GRM8: variants seen among roughly 807,000 people sequenced by gnomAD.
GRM8 encodes glutamate metabotropic receptor 8.
Under a neutral mutation model 87.2 loss-of-function variants are expected in GRM8, and 47 were observed. The ratio of observed to expected loss-of-function variants is 0.54; its 90% CI spans 0.43 to 0.69. The LOEUF (loss-of-function observed/expected upper bound fraction) is 0.69, where lower values mean the gene tolerates loss of function less well. GRM8 is among the 30% of genes least tolerant of loss of function. The pLI, the probability that GRM8 is intolerant of heterozygous loss-of-function variation, is 0.00. For synonymous variants in GRM8, 396 were observed against 404.5 expected (o/e 0.98, Z 0.25); for missense variants, 1,019 against 1,139.2 (o/e 0.89, Z 1.52).
At chr7:127,199,147 T>G (rs1471866981) in intron 2 of GRM8, among the ~76,000 whole-genome samples, 1 of 151,532 alleles carries the variant, frequency 6.6e-6, no homozygotes, top group African/African-American at 2.4e-5. Context: ...GGCTTTTTTT[T>G]TTCTTTAAGA....
chr7:126,617,221 C>T (rs1353481132), intron 7 of GRM8, among the ~76,000 whole-genome samples: 6 of 152,162 alleles, frequency 3.9e-5, no homozygotes, highest in African/African-American at 1.4e-4. Context: ...GCTGGTTCAA[C>T]ATACGAAAAT....
At chr7:127,004,615 G>A (rs575574534) in intron 3 of GRM8, among the ~76,000 whole-genome samples, 1 of 151,682 alleles carries the variant, frequency 6.6e-6, no homozygotes, top group East Asian at 1.9e-4. Flanking sequence ...CTGTAAGAAA[G>A]TGCTTTAGTG....
intron 9 of GRM8, among the ~76,000 whole-genome samples, chr7:126,508,900 G>A (rs1810900414): frequency 6.6e-6 from 1 of 152,094 alleles, no homozygotes; most frequent in Admixed American, 6.6e-5. Context: ...GTAGATCCAT[G>A]TCAGACAGCA....
chr7:126,930,764 G>T (rs1013525291), intron 3 of GRM8, among the ~76,000 whole-genome samples: 2 of 152,188 alleles, frequency 1.3e-5, no homozygotes, highest in Non-Finnish European at 2.9e-5. Context: ...TATTATAAGT[G>T]ATATTCATAG....
At position 126,796,393 on chromosome 7, in the gene GRM8, G is replaced by C. The variant is rs569138526; in HGVS notation, c.1157-26328C>G. Among the ~76,000 whole-genome samples, 303 of 152,156 alleles carry C rather than the reference G, an allele frequency of 2.0e-3. 3 individuals are homozygous for C. Among genetic ancestry groups the C allele is most frequent in the Non-Finnish European group, 2.6e-3 (180 of 68,002 alleles). On this transcript the variant is annotated intron_variant, in intron 6 of 10. Coordinates refer to ENST00000339582, the MANE Select transcript of GRM8 (RefSeq NM_000845.3). Reference sequence around the variant, plus strand: ...CTATTAGCATATAGCTCTAGATTTTGATGATAATTAATCCACTTCTTTAAA... The same window carrying C: ...CTATTAGCATATAGCTCTAGATTTTCATGATAATTAATCCACTTCTTTAAA...
At chr7:126,656,183 T>G (rs968906068) in intron 7 of GRM8, among the ~76,000 whole-genome samples, 1 of 152,090 alleles carries the variant, frequency 6.6e-6, no homozygotes, top group Admixed American at 6.6e-5. Context: ...TTCTGGGGAT[T>G]TGGAGATTGG....
At chr7:126,518,921 C>A (rs534933286) in intron 9 of GRM8, among the ~76,000 whole-genome samples, 1 of 152,152 alleles carries the variant, frequency 6.6e-6, no homozygotes, top group East Asian at 1.9e-4. Flanking sequence ...ATCAAGTCCA[C>A]AGATATGTTA....
chr7:126,725,162 C>A (rs985635404), intron 7 of GRM8, among the ~76,000 whole-genome samples: 1 of 152,168 alleles, frequency 6.6e-6, no homozygotes, highest in African/African-American at 2.4e-5. Context: ...AAATTGGCTT[C>A]TCTAAGGGTA....
At chr7:126,761,852 G>A (rs1339841865) in intron 7 of GRM8, among the ~76,000 whole-genome samples, 2 of 152,170 alleles carry the variant, frequency 1.3e-5, no homozygotes, top group East Asian at 1.9e-4. Context: ...TCGACCACCA[G>A]AAGAAATGTC....
At chr7:127,207,177 A>G (rs904175986) in intron 2 of GRM8, among the ~76,000 whole-genome samples, 2 of 152,214 alleles carry the variant, frequency 1.3e-5, no homozygotes, top group Non-Finnish European at 2.9e-5. Context: ...GATGAAGCAC[A>G]TGGAGAGCAA....
chr7:126,769,719 G>T (rs762178410), intron 7 of GRM8, 146 bp downstream of exon 7: 1 of 598,306 alleles, frequency 1.7e-6, no homozygotes, highest in Non-Finnish European at 3.0e-6. Flanking sequence ...TTCAAAAGCA[G>T]GTGGAAAAAC....
At chr7:127,183,460 G>GCTTCC (rs1794581292) in intron 2 of GRM8, among the ~76,000 whole-genome samples, 1 of 151,628 alleles carries the variant, frequency 6.6e-6, no homozygotes, top group East Asian at 1.9e-4. Flanking sequence ...GAATCAAAGC[G>GCTTCC]GAAGTCTCAA....
At chr7:127,247,042 C>T (rs1798616624) in intron 1 of GRM8, among the ~76,000 whole-genome samples, 1 of 152,196 alleles carries the variant, frequency 6.6e-6, no homozygotes, top group Admixed American at 6.5e-5. Context: ...ATGGCCCTGC[C>T]CCTCCACTGC....
chr7:126,698,763 C>T (rs537665408), intron 7 of GRM8, among the ~76,000 whole-genome samples: 2 of 152,222 alleles, frequency 1.3e-5, no homozygotes, highest in Admixed American at 6.5e-5. Flanking sequence ...TGCATACCTT[C>T]GTAACCCCAA....
intron 3 of GRM8, among the ~76,000 whole-genome samples, chr7:127,053,101 C>T (rs533911061): frequency 6.6e-6 from 1 of 152,304 alleles, no homozygotes; most frequent in South Asian, 2.1e-4. Context: ...CACCATATCA[C>T]AAGCTTGAGG....
At chr7:126,586,008 A>G (rs892823843) in intron 8 of GRM8, among the ~76,000 whole-genome samples, 2 of 152,308 alleles carry the variant, frequency 1.3e-5, no homozygotes, top group Admixed American at 1.3e-4. Context: ...TCAATGTGCA[A>G]AAATCACAAG....
intron 9 of GRM8, among the ~76,000 whole-genome samples, chr7:126,466,710 G>A (rs1351602985): frequency 1.3e-5 from 2 of 151,804 alleles, no homozygotes; most frequent in African/African-American, 4.8e-5. Flanking sequence ...GAAGAGAGAC[G>A]GAATTTTCCC....
Position 126,845,443 on chromosome 7 carries a change from T to C in GRM8, c.1156+57099A>G, listed in dbSNP as rs148558339. ...AGGCCAACTTAGTCTTATCCTTTTTTTTATCCCAAAGGAGTAAAAATAAAG... is the reference window on the plus strand; with the variant it reads ...AGGCCAACTTAGTCTTATCCTTTTTCTTATCCCAAAGGAGTAAAAATAAAG... On this transcript the variant is annotated intron_variant, in intron 6 of 10. Transcript: ENST00000339582. Among the ~76,000 whole-genome samples, 13 of 152,336 alleles carry C rather than the reference T, an allele frequency of 8.5e-5. No individual in the cohort carries two copies. In the East Asian group the frequency reaches 1.9e-3, roughly 23 times the overall value.
At chr7:126,928,292 T>G in intron 3 of GRM8, among the ~76,000 whole-genome samples, 1 of 152,072 alleles carries the variant, frequency 6.6e-6, no homozygotes, top group East Asian at 1.9e-4. Flanking sequence ...GATTAATGTG[T>G]GCAGCAAACC....
Sources: allele counts gnomAD v4.1 joint callset (sites outside exome capture counted in the v4.1 genomes callset), GRCh38; gene constraint gnomAD v4.1.1; transcripts MANE v1.5; gene names NCBI Gene and HGNC (gene_info 2026-07-23, HGNC 2026-07-21).